The following FCHO1 variants were observed in gnomAD, a reference collection of about 807,000 sequenced individuals.
FCHO1 encodes the protein FCH and mu domain containing endocytic adaptor 1, also known as F-BAR domain only protein 1.
FCHO1 carries 45 observed loss-of-function variants against 114.4 expected under a neutral mutation model. The ratio of observed to expected loss-of-function variants is 0.39; its 90% CI spans 0.31 to 0.50. FCHO1 has a LOEUF of 0.50. FCHO1 is among the 20% of genes least tolerant of loss of function. The probability of loss-of-function intolerance (pLI) is 0.77; values close to 1 mark genes in which losing one functional copy is unlikely to be tolerated. For synonymous variants in FCHO1, 480 were observed against 488.9 expected (o/e 0.98, Z 0.24); for missense variants, 1,042 against 1,209.6 (o/e 0.86, Z 2.06).
intron 4 of FCHO1, among the ~76,000 whole-genome samples, chr19:17,756,020 G>A (rs1315692691): frequency 6.6e-6 from 1 of 152,288 alleles, no homozygotes; most frequent in African/African-American, 2.4e-5. Flanking sequence ...ACAGGGGAGG[G>A]CCCAGGAGTC....
intron 20 of FCHO1, among the ~76,000 whole-genome samples, chr19:17,780,197 T>C (rs1403398242): frequency 3.0e-5 from 4 of 135,458 alleles, no homozygotes; most frequent in South Asian, 2.4e-4. Context: ...GGAGTTTTGC[T>C]CTTGTTGCCC....
At chr19:17,748,081 C>G (rs532997328), upstream of FCHO1, among the ~76,000 whole-genome samples, 1 of 152,298 alleles carries the variant, frequency 6.6e-6, no homozygotes, top group South Asian at 2.1e-4. Flanking sequence ...GGCGACGACG[C>G]GAGACCCCTC....
intron 11 of FCHO1, among the ~76,000 whole-genome samples, chr19:17,773,708 C>T (rs1317843690): frequency 6.6e-6 from 1 of 152,156 alleles, no homozygotes; most frequent in Non-Finnish European, 1.5e-5. Flanking sequence ...TCACCCCCTG[C>T]GGTGGCACTG....
In FCHO1 at chr19:17,778,777, C is replaced by T. The variant is rs2092986249; in HGVS notation, c.1520C>T (p.Ala507Val). 15 of 1,538,826 alleles carry T rather than the reference C, an allele frequency of 9.7e-6. No homozygotes were observed. The highest frequency in any genetic ancestry group is 1.4e-5 in the African/African-American group (1 of 73,364). The stretch of plus-strand genomic sequence containing the variant: ...CCGCAGAGCCCGCCCAGCTGTAGGG[C>T]GCCACCCCCAGAGGCCAGGGGTATC... ...GTPQSPPSCR[A>V]PPPEARGIRA... The change falls in exon 20 of 29, where the codon GCG becomes GTG. Residue 507 changes from alanine (A) to valine (V), a missense_variant. Transcript: ENST00000596536.
intron 24 of FCHO1, among the ~76,000 whole-genome samples, chr19:17,783,800 T>C (rs1487526080): frequency 1.3e-5 from 2 of 151,452 alleles, no homozygotes; most frequent in African/African-American, 2.4e-5. Context: ...AAGCTGGTCT[T>C]AAACTCCTGA....
chr19:17,775,432 A>G lies in FCHO1; in HGVS notation c.946-24A>G. 6.2e-7 allele frequency: 1 copy of G among 1,610,908 alleles called. No homozygotes were observed. The highest frequency in any genetic ancestry group is 8.5e-7 in the Non-Finnish European group (1 of 1,177,418). On this transcript the variant is annotated intron_variant, in intron 14 of 28. Transcript: ENST00000596536. The surrounding 1 kb of genome is among the most constrained non-coding windows in gnomAD (Gnocchi z 5.1). ...GGTTCGATAGTGGGGCGCCTGACTC[A>G]CTGCTGCCCCCTGACTCCCCTAGAC...
At chr19:17,762,908 G>A in intron 5 of FCHO1, 55 bp downstream of exon 5, 2 of 1,229,690 alleles carry the variant, frequency 1.6e-6, no homozygotes, top group Admixed American at 1.7e-5. Flanking sequence ...CTGTAGTCAC[G>A]CCCACCTAAT....
chr19:17,783,971 C>A, intron 24 of FCHO1, 132 bp from the exon 25 acceptor site: 2 of 1,138,852 alleles, frequency 1.8e-6, no homozygotes, highest in Non-Finnish European at 2.5e-6. Flanking sequence ...CGCACCACAA[C>A]CACCCAGGTA....
chr19:17,763,750 A>G (rs1276925140), intron 5 of FCHO1, among the ~76,000 whole-genome samples: 1 of 151,474 alleles, frequency 6.6e-6, no homozygotes, highest in Non-Finnish European at 1.5e-5. Context: ...TTTTGTAGAG[A>G]AGGAGTCTCA....
chr19:17,768,006 A>C (rs2090006811), intron 7 of FCHO1, among the ~76,000 whole-genome samples: 1 of 152,242 alleles, frequency 6.6e-6, no homozygotes, highest in Non-Finnish European at 1.5e-5. Context: ...ACAGAGTTCC[A>C]AAATCTGCAT....
chr19:17,778,033 C>A, intron 18 of FCHO1, 104 bp from the exon 19 acceptor site: 1 of 739,500 alleles, frequency 1.4e-6, no homozygotes. Flanking sequence ...AGCAAGACTC[C>A]GTCTCAAAAA....
rs1190973554 is a variant in FCHO1 at position 17,784,078 on chromosome 19, G to C, written c.2094-25G>C. On this transcript the variant is annotated intron_variant, in intron 24 of 28. Coordinates refer to ENST00000596536, the MANE Select transcript of FCHO1 (RefSeq NM_015122.3). This position sits in a 1 kb window ranked among gnomAD's most constrained non-coding sequence, Gnocchi z 5.3. ...CTGGGAGGGCATGTCCCGAGGATTG[G>C]GGTGATCAGTCCGGGTCTCTGCAGT... 12 of 1,606,658 alleles carry C rather than the reference G, an allele frequency of 7.5e-6. No homozygotes were observed. Among genetic ancestry groups the C allele is most frequent in the Non-Finnish European group, 9.4e-6 (11 of 1,174,822 alleles).
At chr19:17,787,993 G>C (rs2094058473) in intron 28 of FCHO1, 147 bp downstream of exon 28, 2 of 1,040,114 alleles carry the variant, frequency 1.9e-6, no homozygotes, top group Non-Finnish European at 2.8e-6. Context: ...GGGGGGCACA[G>C]GTGGGCAAGG....
chr19:17,766,251 G>A (rs1226963680), intron 6 of FCHO1, among the ~76,000 whole-genome samples: 2 of 145,388 alleles, frequency 1.4e-5, no homozygotes, highest in Non-Finnish European at 3.0e-5. Context: ...ATCTCGGCTC[G>A]CTGCAAGCTC....
Position 17,783,137 on chromosome 19 carries a change from T to C in FCHO1, c.2058T>C (p.Ile686=), listed in dbSNP as rs2147371983. 1 of 1,614,206 alleles carries C rather than the reference T, an allele frequency of 6.2e-7. No individual in the cohort carries two copies. Among genetic ancestry groups the C allele is most frequent in the Non-Finnish European group, 8.5e-7 (1 of 1,180,024 alleles). The part of the protein sequence containing the change: ...LSFRLVHTTA[I]EHFQPNADLL... ...TCCGGCTTGTACACACAACCGCTAT[T>C]GAGCACTTCCAGCCCAACGCCGATC... The change falls in exon 24 of 29, where the codon ATT becomes ATC. Residue 686 remains isoleucine (I), a synonymous_variant. Transcript: ENST00000596536.
intron 26 of FCHO1, among the ~76,000 whole-genome samples, chr19:17,785,475 G>A (rs183398670): frequency 3.3e-5 from 5 of 151,894 alleles, no homozygotes; most frequent in Non-Finnish European, 5.9e-5. Flanking sequence ...CACCCGCCTC[G>A]GCCTCCCAAA....
At chr19:17,749,845 C>T (rs1252767164), upstream of FCHO1, among the ~76,000 whole-genome samples, 1 of 152,098 alleles carries the variant, frequency 6.6e-6, no homozygotes, top group East Asian at 1.9e-4. Flanking sequence ...GTGACTGGTC[C>T]GTGGGAAGGA....
intron 1 of FCHO1, among the ~76,000 whole-genome samples, chr19:17,753,202 T>C (rs1347231269): frequency 6.6e-6 from 1 of 152,204 alleles, no homozygotes. Flanking sequence ...AGAAATGATA[T>C]GGAAATTTAG....
Position 17,778,660 on chromosome 19 carries a change from C to T in FCHO1, c.1403C>T (p.Ser468Leu). Residue 468 changes from serine (S) to leucine (L), a missense_variant, in exon 20 of 29, where the codon TCG becomes TTG. This residue lies in a region of FCHO1 where 455 missense variants were observed against 455.4 expected (regional missense o/e 1.00). Coordinates refer to ENST00000596536, the MANE Select transcript of FCHO1 (RefSeq NM_015122.3). ...AGCCCCTCCCCTTTCTCCTCCTCGT[C>T]GCCCGAAAACGTGGAGGATTCCGGC... ...TSSPSPFSSSSPENVEDSGLD... is the reference protein window; with the variant it reads ...TSSPSPFSSSLPENVEDSGLD... The T allele has an allele frequency of 6.4e-7, 1 of 1,573,602 alleles. No individual in the cohort carries two copies. The highest frequency in any genetic ancestry group is 8.6e-7 in the Non-Finnish European group (1 of 1,163,738).
Sources: allele counts gnomAD v4.1 joint callset (sites outside exome capture counted in the v4.1 genomes callset), GRCh38; gene constraint gnomAD v4.1.1; regional missense constraint gnomAD v4.1.1; non-coding constraint Gnocchi (gnomAD v3.1); transcripts MANE v1.5; gene names NCBI Gene and HGNC (gene_info 2026-07-23, HGNC 2026-07-21).